The following TSPAN7 variants were observed in gnomAD, a reference collection of about 807,000 sequenced individuals.
TSPAN7 encodes the protein tetraspanin 7.
In TSPAN7, 1 loss-of-function variant was observed where a neutral mutation model predicts 17.6. The observed-to-expected ratio is 0.06, with a 90% CI of 0.02 to 0.27. TSPAN7 has a LOEUF of 0.27. Among genes scored for constraint, TSPAN7 ranks in the 10% least tolerant of loss-of-function variants. The pLI is 1.00. For missense variants in TSPAN7, 112 were observed against 201.7 expected (o/e 0.56, Z 2.69); for synonymous variants, 78 against 79.0 (o/e 0.99, Z 0.07).
intron 1 of TSPAN7, among the ~76,000 whole-genome samples, chrX:38,585,980 A>G (rs915220240): frequency 7.1e-5 from 8 of 112,759 alleles, no homozygotes; most frequent in African/African-American, 2.6e-4. Flanking sequence ...AAACCTCTTT[A>G]TAAATCACAG....
At chrX:38,576,443 AT>A in intron 1 of TSPAN7, among the ~76,000 whole-genome samples, 1 of 112,269 alleles carries the variant, frequency 8.9e-6, no homozygotes, top group East Asian at 2.8e-4. Flanking sequence ...AAAATATCTC[AT>A]TTTTTACATT....
chrX:38,678,573 A>G (rs1261407790), intron 5 of TSPAN7, among the ~76,000 whole-genome samples: 1 of 112,354 alleles, frequency 8.9e-6, no homozygotes, highest in Non-Finnish European at 1.9e-5. Flanking sequence ...TTGCAGTATT[A>G]AATCAGCTCT....
intron 3 of TSPAN7, among the ~76,000 whole-genome samples, chrX:38,673,015 G>A (rs778490757): frequency 9.8e-5 from 11 of 112,194 alleles, no homozygotes; most frequent in Non-Finnish European, 1.3e-4. Context: ...TAAGTGTAGC[G>A]AAATGAGATG....
intron 1 of TSPAN7, among the ~76,000 whole-genome samples, chrX:38,562,663 C>T (rs1485796001): frequency 9.0e-6 from 1 of 111,212 alleles, no homozygotes; most frequent in African/African-American, 3.3e-5. Flanking sequence ...GCTGACACTG[C>T]AGTGATTCAC....
In TSPAN7 at chrX:38,637,846, AT is replaced by A. The variant is rs753464154; in HGVS notation, c.82-28274del. Among the ~76,000 whole-genome samples the A allele has an allele frequency of 3.3e-3, 367 of 112,027 alleles. 3 individuals are homozygous for A. The highest frequency in any genetic ancestry group is 0.012 in the African/African-American group (356 of 30,795). On this transcript the variant is annotated intron_variant, in intron 1 of 7. Transcript: ENST00000378482. ...ATGTGACAGTTGAATAAGTGAAAAA[AT>A]ATTTTCATATTTTAGTGATTTTTAG... is the stretch of plus-strand genomic sequence containing the variant.
intron 1 of TSPAN7, among the ~76,000 whole-genome samples, chrX:38,648,050 C>T (rs968665997): frequency 6.3e-5 from 7 of 111,769 alleles, no homozygotes; most frequent in African/African-American, 1.3e-4. Flanking sequence ...GGACATGGGG[C>T]ACTACTTAGC....
In TSPAN7 at chrX:38,646,455, A is replaced by G. The variant is rs1195308558; in HGVS notation, c.82-19666A>G. On this transcript the variant is annotated intron_variant, in intron 1 of 7. Transcript: ENST00000378482. ...AATATTAGGAGCAGTGAATGCACGT[A>G]AAACAGGGGTTCTTAGCAGGGGCAT... 5 of 525,224 alleles carry G rather than the reference A, an allele frequency of 9.5e-6. No individual in the cohort carries two copies. In the East Asian group the frequency reaches 1.9e-4, roughly 20 times the overall value. 43.3% of individuals were successfully genotyped at this position (525,224 alleles called of 1,213,427 possible).
intron 1 of TSPAN7, among the ~76,000 whole-genome samples, chrX:38,619,110 C>G (rs940546347): frequency 2.7e-5 from 3 of 111,337 alleles, no homozygotes; most frequent in African/African-American, 9.8e-5. Context: ...ACTATTTTTG[C>G]TAGCATCAAG....
intron 1 of TSPAN7, among the ~76,000 whole-genome samples, chrX:38,572,495 C>T (rs781723252): frequency 4.5e-5 from 5 of 111,655 alleles, no homozygotes; most frequent in African/African-American, 1.6e-4. Flanking sequence ...ATCTTTTTCT[C>T]ACCAGTAATA....
chrX:38,653,638 C>T (rs1012483037), intron 1 of TSPAN7, among the ~76,000 whole-genome samples: 6 of 112,324 alleles, frequency 5.3e-5, no homozygotes, highest in African/African-American at 1.3e-4. Context: ...TGGTTCACGT[C>T]GACATACACA....
intron 1 of TSPAN7, among the ~76,000 whole-genome samples, chrX:38,619,962 T>C (rs1282743954): frequency 8.9e-6 from 1 of 112,331 alleles, no homozygotes; most frequent in African/African-American, 3.2e-5. Context: ...CCTAAGACAA[T>C]GGTATCTATC....
At chrX:38,580,369 C>T (rs1421279354) in intron 1 of TSPAN7, among the ~76,000 whole-genome samples, 1 of 111,900 alleles carries the variant, frequency 8.9e-6, no homozygotes, top group Non-Finnish European at 1.9e-5. Flanking sequence ...CCATACTTAG[C>T]AAAAAAATAA....
At chrX:38,675,887 G>A in intron 5 of TSPAN7, 27 bp downstream of exon 5, 12 of 1,207,722 alleles carry the variant, frequency 9.9e-6, no homozygotes, top group Non-Finnish European at 1.3e-5. Flanking sequence ...GGCCCAGATG[G>A]GACCAGTGGT....
At chrX:38,632,914 T>C (rs2069558632) in intron 1 of TSPAN7, among the ~76,000 whole-genome samples, 3 of 112,269 alleles carry the variant, frequency 2.7e-5, no homozygotes, top group Non-Finnish European at 5.6e-5. Context: ...AGAGGTTATC[T>C]GGTCCAGTTC....
At chrX:38,583,381 T>C (rs1322832954) in intron 1 of TSPAN7, among the ~76,000 whole-genome samples, 10 of 112,217 alleles carry the variant, frequency 8.9e-5, no homozygotes, top group Non-Finnish European at 3.8e-5. Context: ...TCCATCATAG[T>C]ACTCATGTTG....
At chrX:38,682,036 TG>T (rs1035014473) in intron 6 of TSPAN7, among the ~76,000 whole-genome samples, 9 of 112,317 alleles carry the variant, frequency 8.0e-5, no homozygotes, top group Non-Finnish European at 1.7e-4. Flanking sequence ...AATGTTGCTT[TG>T]GGTAGAAGAA....
chrX:38,667,637 C>T (rs1194649096), intron 2 of TSPAN7, among the ~76,000 whole-genome samples: 1 of 111,921 alleles, frequency 8.9e-6, no homozygotes, highest in Non-Finnish European at 1.9e-5. Flanking sequence ...TTCTATCCTG[C>T]AGACCATACA....
intron 1 of TSPAN7, among the ~76,000 whole-genome samples, chrX:38,606,013 T>C (rs1463059060): frequency 9.3e-6 from 1 of 107,834 alleles, no homozygotes; most frequent in Non-Finnish European, 1.9e-5. Flanking sequence ...AAGGACTTCA[T>C]GTCTAAAACA....
intron 5 of TSPAN7, among the ~76,000 whole-genome samples, chrX:38,680,543 C>T (rs369653513): frequency 4.0e-4 from 15 of 37,866 alleles, no homozygotes; most frequent in African/African-American, 1.8e-3. Context: ...TACAAATTCT[C>T]TCTCTCTCTC....
Sources: gnomAD v4.1 joint callset for allele counts (sites outside exome capture counted in the v4.1 genomes callset) on GRCh38, gnomAD v4.1.1 for gene constraint, MANE v1.5 for transcripts, NCBI Gene and HGNC (gene_info 2026-07-23, HGNC 2026-07-21) for gene names.